The following CELF4 variants were observed in gnomAD, a reference collection of about 807,000 sequenced individuals.
The protein encoded by CELF4 is CUGBP Elav-like family member 4.
CELF4 carries 18 observed loss-of-function variants against 59.9 expected under a neutral mutation model. That is an observed-to-expected ratio of 0.30 (90% CI 0.21 to 0.45). The LOEUF (loss-of-function observed/expected upper bound fraction) is 0.45. CELF4 is among the 20% of genes least tolerant of loss of function. The pLI is 1.00. For missense variants in CELF4, 456 were observed against 689.0 expected, an observed-to-expected ratio of 0.66 and a Z score of 3.79; for synonymous variants, 261 against 267.1, an observed-to-expected ratio of 0.98 and a Z score of 0.22.
chr18:37,339,110 T>C (rs192629021), intron 2 of CELF4, among the ~76,000 whole-genome samples: 30 of 152,364 alleles, frequency 2.0e-4, no homozygotes, highest in Non-Finnish European at 3.8e-4. Context: ...AGTATTATGA[T>C]TGCATTGATT....
intron 3 of CELF4, among the ~76,000 whole-genome samples, chr18:37,280,856 CTT>C (rs2094047368): frequency 6.6e-6 from 1 of 152,228 alleles, no homozygotes; most frequent in African/African-American, 2.4e-5. Context: ...CTTCAGGACT[CTT>C]TTTAATTTTC....
chr18:37,257,765 GTGTC>G (rs1222811511), intron 11 of CELF4, among the ~76,000 whole-genome samples: 7 of 152,154 alleles, frequency 4.6e-5, no homozygotes, highest in African/African-American at 1.7e-4. Flanking sequence ...GAGATACTGA[GTGTC>G]TGGCAGACTC....
At chr18:37,451,350 CTGTG>C (rs1011403723) in intron 2 of CELF4, among the ~76,000 whole-genome samples, 4 of 151,804 alleles carry the variant, frequency 2.6e-5, no homozygotes, top group South Asian at 2.1e-4. Context: ...TTCTGTGTGT[CTGTG>C]TGTATCTGTG....
rs181057120 is a variant in CELF4 at position 37,532,904 on chromosome 18, G to A, written c.286+32452C>T. 6.6e-5 allele frequency among the ~76,000 whole-genome samples: 10 copies of A among 152,354 alleles called. No individual in the cohort carries two copies. In the East Asian group the frequency reaches 1.9e-3, roughly 29 times the overall value. ...TAACTGTCAGTGACCTAAAGTTCTT[G>A]TCTAAGTGGCTGCCCTGGAAAGAGG... is the stretch of plus-strand genomic sequence containing the variant. On this transcript the variant is annotated intron_variant, in intron 1 of 12. Coordinates refer to ENST00000420428, the MANE Select transcript of CELF4 (RefSeq NM_020180.4).
At chr18:37,389,238 C>A (rs1309146383) in intron 2 of CELF4, among the ~76,000 whole-genome samples, 2 of 152,106 alleles carry the variant, frequency 1.3e-5, no homozygotes, top group Non-Finnish European at 1.5e-5. Context: ...GTGAGACATT[C>A]AAATTACTGA....
Position 37,259,169 on chromosome 18 carries a change from A to G in CELF4, c.1333+12T>C. 6.2e-7 allele frequency: 1 copy of G among 1,613,608 alleles called. No homozygotes were observed. The highest frequency in any genetic ancestry group is 8.5e-7 in the Non-Finnish European group (1 of 1,179,910). ...GCCCGATCCACAAACACTTTCGAGGAGATGACATTACCGAAAGGGAGGAAC... is the reference window on the plus strand; with the variant it reads ...GCCCGATCCACAAACACTTTCGAGGGGATGACATTACCGAAAGGGAGGAAC... On this transcript the variant is annotated intron_variant, in intron 11 of 12. Transcript: ENST00000420428.
intron 2 of CELF4, among the ~76,000 whole-genome samples, chr18:37,339,827 C>T (rs1224004885): frequency 6.6e-6 from 1 of 151,612 alleles, no homozygotes; most frequent in Non-Finnish European, 1.5e-5. Flanking sequence ...CATGCCCCTG[C>T]CAATGAATGA....
intron 2 of CELF4, among the ~76,000 whole-genome samples, chr18:37,327,116 AG>A (rs1467211113): frequency 6.6e-6 from 1 of 152,146 alleles, no homozygotes; most frequent in Admixed American, 6.5e-5. Flanking sequence ...GCTTGTGGGC[AG>A]ACAGACAGAA....
intron 1 of CELF4, among the ~76,000 whole-genome samples, chr18:37,534,610 C>G (rs1257049003): frequency 1.3e-5 from 2 of 152,176 alleles, no homozygotes; most frequent in Admixed American, 6.5e-5. Flanking sequence ...AGGAGGAATT[C>G]TCAATTCCTG....
chr18:37,310,487 G>A (rs1275043525), intron 3 of CELF4, among the ~76,000 whole-genome samples: 1 of 152,178 alleles, frequency 6.6e-6, no homozygotes, highest in Non-Finnish European at 1.5e-5. Flanking sequence ...CTGGCCTCTT[G>A]GGGTCTTCCA....
At chr18:37,496,341 G>A (rs2099925196) in intron 1 of CELF4, among the ~76,000 whole-genome samples, 1 of 152,180 alleles carries the variant, frequency 6.6e-6, no homozygotes, top group Non-Finnish European at 1.5e-5. Flanking sequence ...GGTTTCATAA[G>A]AGTAGCTGGG....
At chr18:37,467,680 G>GT (rs1209470804) in intron 2 of CELF4, among the ~76,000 whole-genome samples, 2 of 152,200 alleles carry the variant, frequency 1.3e-5, no homozygotes, top group African/African-American at 4.8e-5. Context: ...AAGTCACACA[G>GT]CTGCCAGAGT....
chr18:37,389,803 C>T (rs1469684741), intron 2 of CELF4, among the ~76,000 whole-genome samples: 1 of 152,158 alleles, frequency 6.6e-6, no homozygotes, highest in South Asian at 2.1e-4. Context: ...CTGCCCCCAC[C>T]CACACTGAAT....
At chr18:37,381,121 T>TCCAC (rs1305825316) in intron 2 of CELF4, among the ~76,000 whole-genome samples, 4 of 146,816 alleles carry the variant, frequency 2.7e-5, no homozygotes, top group African/African-American at 1.1e-4. Context: ...CATCCATCCA[T>TCCAC]CCATCCATCC....
At chr18:37,460,630 G>A (rs2099790911) in intron 2 of CELF4, among the ~76,000 whole-genome samples, 1 of 152,226 alleles carries the variant, frequency 6.6e-6, no homozygotes, top group Non-Finnish European at 1.5e-5. Context: ...GGTAAGCACT[G>A]CTGCTCAGGA....
intron 1 of CELF4, among the ~76,000 whole-genome samples, chr18:37,488,181 C>T (rs907973660): frequency 6.6e-6 from 1 of 152,174 alleles, no homozygotes; most frequent in African/African-American, 2.4e-5. Flanking sequence ...TCCTCAGAGA[C>T]ACTTCCCTTG....
intron 6 of CELF4, chr18:37,273,640 G>A (rs1419355330): frequency 2.0e-6 from 2 of 988,896 alleles, no homozygotes; most frequent in East Asian, 2.2e-4. Context: ...TCACAAAGGT[G>A]AGTGCGGACA....
chr18:37,273,180 G>A lies in CELF4; in HGVS notation c.802-17C>T, dbSNP rs752606294. ...CTGCATCAGCTGGGGCAGAGGGAGT[G>A]GAAAAAATATCACGTGCTTCCAGGG... On this transcript the variant is annotated splice_polypyrimidine_tract_variant and intron_variant, in intron 6 of 12. Transcript: ENST00000420428. The A allele has an allele frequency of 3.1e-6, 5 of 1,597,950 alleles. No homozygotes were observed. The highest frequency in any genetic ancestry group is 1.1e-5 in the South Asian group (1 of 90,474).
chr18:37,414,149 C>G (rs2099501291), intron 2 of CELF4, among the ~76,000 whole-genome samples: 1 of 152,112 alleles, frequency 6.6e-6, no homozygotes, highest in South Asian at 2.1e-4. Context: ...TGACTGAAAA[C>G]AGTATAATGC....
Sources: gnomAD v4.1 joint callset for allele counts (sites outside exome capture counted in the v4.1 genomes callset) on GRCh38, gnomAD v4.1.1 for gene constraint, MANE v1.5 for transcripts, NCBI Gene and HGNC (gene_info 2026-07-23, HGNC 2026-07-21) for gene names.